GRXCR1: variants seen among roughly 807,000 people sequenced by gnomAD.
The protein encoded by GRXCR1 is glutaredoxin domain-containing cysteine-rich protein 1.
A neutral mutation model predicts 27.3 loss-of-function variants in GRXCR1; 27 were observed. The observed-to-expected ratio is 0.99, with a 90% CI of 0.73 to 1.37. The LOEUF (loss-of-function observed/expected upper bound fraction) is 1.37, where lower values mean the gene tolerates loss of function less well. GRXCR1 is among the 40% of genes most tolerant of loss of function. The pLI is 0.00. For synonymous variants in GRXCR1, 122 were observed against 131.1 expected, an observed-to-expected ratio of 0.93 and a Z score of 0.47; for missense variants, 379 against 354.4, an observed-to-expected ratio of 1.07 and a Z score of -0.56.
intron 2 of GRXCR1, among the ~76,000 whole-genome samples, chr4:42,996,876 C>T (rs953674431): frequency 5.3e-5 from 8 of 151,810 alleles, no homozygotes; most frequent in African/African-American, 1.2e-4. Flanking sequence ...TCTTACAATA[C>T]GTATGTGTAC....
intron 1 of GRXCR1, 92 bp from the exon 2 acceptor site, chr4:42,962,800 C>G: frequency 7.0e-7 from 1 of 1,433,962 alleles, no homozygotes; most frequent in South Asian, 1.2e-5. Context: ...AATTTTATTG[C>G]ATGGCTTTAA....
intron 1 of GRXCR1, among the ~76,000 whole-genome samples, chr4:42,911,591 G>C (rs752324394): frequency 2.0e-5 from 3 of 152,014 alleles, no homozygotes; most frequent in Non-Finnish European, 2.9e-5. Context: ...AGGTTTCCAA[G>C]CAGCAGATAG....
rs1420878653 is a variant in GRXCR1, at chr4:42,893,086, TTTA to T, written c.-174_-172del. 1.3e-5 allele frequency among the ~76,000 whole-genome samples: 2 copies of T among 152,062 alleles called. No individual in the cohort carries two copies. Among genetic ancestry groups the T allele is most frequent in the Non-Finnish European group, 2.9e-5 (2 of 67,996 alleles). On this transcript the variant is annotated 5_prime_UTR_variant, in exon 1 of 4. Transcript: ENST00000399770. ...GGTAACCATAGCACACACACACACA[TTTA>T]TTATTAATAGCAGAGACACACTGTA...
chr4:42,917,837 C>A (rs1055284805), intron 1 of GRXCR1, among the ~76,000 whole-genome samples: 2 of 151,886 alleles, frequency 1.3e-5, no homozygotes, highest in Non-Finnish European at 2.9e-5. Context: ...GGAAGGAAGT[C>A]CATGAACAAG....
chr4:42,923,110 C>T (rs748240799), intron 1 of GRXCR1, among the ~76,000 whole-genome samples: 3 of 152,110 alleles, frequency 2.0e-5, no homozygotes, highest in Non-Finnish European at 2.9e-5. Context: ...TTGGACTTCT[C>T]CTGGCTTGGG....
intron 1 of GRXCR1, among the ~76,000 whole-genome samples, chr4:42,958,264 TG>T (rs1748054077): frequency 6.6e-6 from 1 of 152,032 alleles, no homozygotes; most frequent in Non-Finnish European, 1.5e-5. Context: ...CTACACTTCC[TG>T]GTAACAGAAA....
At chr4:42,963,171 C>G (rs752815997) in intron 2 of GRXCR1, 37 bp downstream of exon 2, 1 of 1,604,304 alleles carries the variant, frequency 6.2e-7, no homozygotes. Flanking sequence ...TTTCATAGAA[C>G]CCAACCAGGG....
intron 1 of GRXCR1, among the ~76,000 whole-genome samples, chr4:42,958,100 G>A (rs571733710): frequency 2.6e-5 from 4 of 152,096 alleles, no homozygotes; most frequent in Admixed American, 1.3e-4. Context: ...ATTGAATGCT[G>A]TGATCTAAAT....
intron 1 of GRXCR1, among the ~76,000 whole-genome samples, chr4:42,947,286 C>G (rs1747765306): frequency 6.6e-6 from 1 of 151,770 alleles, no homozygotes; most frequent in African/African-American, 2.4e-5. Flanking sequence ...TAGCTGGACA[C>G]AGAGGAGTGA....
chr4:42,974,795 A>G lies in GRXCR1; in HGVS notation c.627+11661A>G, dbSNP rs1029597442. ...GATCTTGGGGCTGTGGCATAAACACATTAGTGTTCCTGTCCATTGGCTTAG... is the reference window on the plus strand; with the variant it reads ...GATCTTGGGGCTGTGGCATAAACACGTTAGTGTTCCTGTCCATTGGCTTAG... On this transcript the variant is annotated intron_variant, in intron 2 of 3. Coordinates refer to ENST00000399770, the MANE Select transcript of GRXCR1 (RefSeq NM_001080476.3). 2.6e-5 allele frequency among the ~76,000 whole-genome samples: 4 copies of G among 152,148 alleles called. No homozygotes were observed. In the East Asian group the frequency reaches 7.7e-4, roughly 29 times the overall value.
intron 1 of GRXCR1, among the ~76,000 whole-genome samples, chr4:42,894,083 G>A (rs1254140921): frequency 1.3e-5 from 2 of 152,072 alleles, no homozygotes; most frequent in African/African-American, 4.8e-5. Flanking sequence ...AATTCAGCGA[G>A]GTTGGGTTCA....
At chr4:42,914,823 A>T (rs1746849314) in intron 1 of GRXCR1, among the ~76,000 whole-genome samples, 1 of 152,134 alleles carries the variant, frequency 6.6e-6, no homozygotes, top group South Asian at 2.1e-4. Flanking sequence ...GAGATAATTG[A>T]ATCATGGGGG....
At chr4:42,904,988 C>T (rs1390800482) in intron 1 of GRXCR1, among the ~76,000 whole-genome samples, 1 of 152,118 alleles carries the variant, frequency 6.6e-6, no homozygotes, top group Non-Finnish European at 1.5e-5. Context: ...AAGTCCTGGG[C>T]CACTCCGTAA....
At chr4:42,904,981 T>A (rs2109741033) in intron 1 of GRXCR1, among the ~76,000 whole-genome samples, 1 of 152,270 alleles carries the variant, frequency 6.6e-6, no homozygotes, top group Admixed American at 6.5e-5. Flanking sequence ...GTGTGGGAAG[T>A]CCTGGGCCAC....
intron 2 of GRXCR1, among the ~76,000 whole-genome samples, chr4:42,968,932 T>C (rs1328127828): frequency 6.6e-6 from 1 of 152,098 alleles, no homozygotes; most frequent in Non-Finnish European, 1.5e-5. Flanking sequence ...AGAGAGATCA[T>C]AGATATTGGG....
intron 1 of GRXCR1, among the ~76,000 whole-genome samples, chr4:42,900,649 A>G (rs1353717968): frequency 2.0e-5 from 3 of 152,164 alleles, no homozygotes; most frequent in African/African-American, 4.8e-5. Flanking sequence ...ATTTTGTCAG[A>G]TGAGAAGGCT....
intron 2 of GRXCR1, among the ~76,000 whole-genome samples, chr4:42,974,155 T>A (rs1748451758): frequency 6.6e-6 from 1 of 152,044 alleles, no homozygotes; most frequent in African/African-American, 2.4e-5. Context: ...CAAATCCATC[T>A]CCTTGAGGAG....
intron 1 of GRXCR1, among the ~76,000 whole-genome samples, chr4:42,900,713 T>G (rs749616016): frequency 1.3e-5 from 2 of 151,996 alleles, no homozygotes; most frequent in East Asian, 1.9e-4. Context: ...AAACTTAGAG[T>G]ACCAAATGAA....
intron 1 of GRXCR1, among the ~76,000 whole-genome samples, chr4:42,947,053 TG>T (rs1409434805): frequency 6.6e-6 from 1 of 152,108 alleles, no homozygotes; most frequent in Non-Finnish European, 1.5e-5. Context: ...GTAGGTTTCA[TG>T]AATTCAAGGT....
Sources: gnomAD v4.1 joint callset for allele counts (sites outside exome capture counted in the v4.1 genomes callset) on GRCh38, gnomAD v4.1.1 for gene constraint, MANE v1.5 for transcripts, NCBI Gene and HGNC (gene_info 2026-07-23, HGNC 2026-07-21) for gene names.